The following ATP13A5 variants were observed in gnomAD, a reference collection of about 807,000 sequenced individuals.
ATP13A5 encodes probable cation-transporting ATPase 13A5.
In ATP13A5, 149 loss-of-function variants were observed where a neutral mutation model predicts 150.2. The ratio of observed to expected loss-of-function variants is 0.99; its 90% CI spans 0.87 to 1.14. ATP13A5 has a LOEUF of 1.14. Ranked by LOEUF, ATP13A5 falls within the 50% of genes most tolerant of loss-of-function variation. The pLI is 0.00. For synonymous variants in ATP13A5, 497 were observed against 522.2 expected (o/e 0.95, Z 0.66); for missense variants, 1,383 against 1,449.3 (o/e 0.95, Z 0.74).
At chr3:193,348,706 G>A (rs1237484282) in intron 7 of ATP13A5, among the ~76,000 whole-genome samples, 1 of 152,142 alleles carries the variant, frequency 6.6e-6, no homozygotes, top group Non-Finnish European at 1.5e-5. Context: ...GTTTACCTAA[G>A]TCTTTAATTC....
At chr3:193,359,991 T>C (rs1040167179) in intron 5 of ATP13A5, among the ~76,000 whole-genome samples, 1 of 152,230 alleles carries the variant, frequency 6.6e-6, no homozygotes, top group South Asian at 2.1e-4. Flanking sequence ...ATAATCTTAA[T>C]AGGAAGACTA....
At chr3:193,299,300 T>C in intron 24 of ATP13A5, 97 bp from the exon 25 acceptor site, 1 of 863,100 alleles carries the variant, frequency 1.2e-6, no homozygotes, top group Non-Finnish European at 1.8e-6. Context: ...GAGGCAGCTG[T>C]TACTTTTTTT....
chr3:193,362,390 T>C lies in ATP13A5; in HGVS notation c.527A>G (p.Gln176Arg), dbSNP rs770548323. The change falls in exon 5 of 30, where the codon CAA (glutamine) becomes CGA (arginine). Residue 176 changes from glutamine to arginine, a missense_variant. Coordinates refer to ENST00000342358, the MANE Select transcript of ATP13A5 (RefSeq NM_198505.4). ...TFGLGLTSEE[Q>R]EVRRLVCGPN... ...ATATAATAAGTCCTACCTGACCTCT[T>C]GCTCTTCACTGGTCAGACCCAATCC... is the stretch of plus-strand genomic sequence containing the variant. 6.2e-7 allele frequency: 1 copy of C among 1,614,054 alleles called. No homozygotes were observed. The highest frequency in any genetic ancestry group is 8.5e-7 in the Non-Finnish European group (1 of 1,179,926).
At chr3:193,293,044 A>C (rs570758135) in intron 25 of ATP13A5, among the ~76,000 whole-genome samples, 1 of 152,250 alleles carries the variant, frequency 6.6e-6, no homozygotes, top group Admixed American at 6.5e-5. Context: ...TAAATTTTAC[A>C]GGTGAAGAAA....
chr3:193,359,695 T>A (rs4438607), intron 5 of ATP13A5, among the ~76,000 whole-genome samples: 84,090 of 151,716 alleles, frequency 0.55, 23,651 homozygotes, highest in African/African-American at 0.65. Flanking sequence ...GGAATATTCC[T>A]ACCATAGAAA....
chr3:193,361,109 T>C (rs1362827220), intron 5 of ATP13A5, among the ~76,000 whole-genome samples: 1 of 152,260 alleles, frequency 6.6e-6, no homozygotes, highest in East Asian at 1.9e-4. Flanking sequence ...GCAGAGTGTG[T>C]CTACATCTAT....
At position 193,276,771 on chromosome 3, in the gene ATP13A5, G is replaced by A. The variant is rs771113074; in HGVS notation, c.3375C>T (p.Phe1125=). 5 of 1,612,262 alleles carry A rather than the reference G, an allele frequency of 3.1e-6. No homozygotes were observed. In the African/African-American group the frequency reaches 6.7e-5, roughly 22 times the overall value. Residue 1125 remains phenylalanine, a synonymous_variant, in exon 29 of 30, where the codon TTC becomes TTT. Coordinates refer to ENST00000342358, the MANE Select transcript of ATP13A5 (RefSeq NM_198505.4). ...TTACCTCTACAAAGAAAGCCACACA[G>A]AATTGGGTGAGGGCTACCACCAAAA... ...VLILVVALTQ[F]CVAFFVEDSI... is the part of the protein sequence containing the mutation.
At chr3:193,368,726 G>A (rs1713339395) in intron 1 of ATP13A5, among the ~76,000 whole-genome samples, 2 of 152,008 alleles carry the variant, frequency 1.3e-5, no homozygotes, top group South Asian at 2.1e-4. Context: ...GAATAGCACT[G>A]GAAAATAAAT....
intron 23 of ATP13A5, among the ~76,000 whole-genome samples, chr3:193,301,915 GT>G (rs1308216890): frequency 6.6e-6 from 1 of 152,152 alleles, no homozygotes; most frequent in Non-Finnish European, 1.5e-5. Flanking sequence ...CAAGACGACA[GT>G]AAAAAATGCA....
intron 23 of ATP13A5, among the ~76,000 whole-genome samples, chr3:193,302,502 C>T (rs1468791310): frequency 2.0e-5 from 3 of 152,092 alleles, no homozygotes; most frequent in Non-Finnish European, 4.4e-5. Context: ...AAGGAAAGTA[C>T]AAGAAACTAT....
At chr3:193,279,748 C>A (rs1442652289) in intron 27 of ATP13A5, among the ~76,000 whole-genome samples, 2 of 151,978 alleles carry the variant, frequency 1.3e-5, no homozygotes, top group African/African-American at 4.8e-5. Flanking sequence ...GTTGTGCTTG[C>A]GTGGGATAAA....
rs149053545 is a variant in ATP13A5, at chr3:193,297,859, G to A, written c.2848+1272C>T. On this transcript the variant is annotated intron_variant, in intron 25 of 29. Transcript: ENST00000342358. ...CTTGCTCAGTGTCATATAGTAAGTC[G>A]GAGGCAAGACTAGAACTAGGAAGAT... Among the ~76,000 whole-genome samples the A allele has an allele frequency of 6.3e-4, 96 of 152,186 alleles. 1 individual carries two copies. The highest frequency in any genetic ancestry group is 2.2e-3 in the African/African-American group (91 of 41,530).
At chr3:193,327,653 G>A (rs1719512616) in intron 12 of ATP13A5, among the ~76,000 whole-genome samples, 1 of 152,182 alleles carries the variant, frequency 6.6e-6, no homozygotes, top group African/African-American at 2.4e-5. Flanking sequence ...AAATAGTTCA[G>A]AGATTTGATT....
chr3:193,378,749 C>A lies in ATP13A5; in HGVS notation c.-24G>T, dbSNP rs202243235. 1.5e-4 allele frequency: 242 copies of A among 1,605,106 alleles called. No individual in the cohort carries two copies. Among genetic ancestry groups the A allele is most frequent in the Non-Finnish European group, 2.0e-4 (233 of 1,172,634 alleles). ...ATCTGAACTCAACCGGCGAGGATCT[C>A]TTCTGGCTAACTCCTTGGAGAAATG... On this transcript the variant is annotated 5_prime_UTR_variant, in exon 1 of 30. Transcript: ENST00000342358.
intron 24 of ATP13A5, among the ~76,000 whole-genome samples, chr3:193,300,782 A>G (rs1314929761): frequency 2.6e-5 from 4 of 152,188 alleles, no homozygotes; most frequent in Non-Finnish European, 2.9e-5. Flanking sequence ...ATAAGGGTCC[A>G]TTGTGAAAGG....
intron 1 of ATP13A5, among the ~76,000 whole-genome samples, chr3:193,373,173 C>T (rs1713512879): frequency 6.6e-6 from 1 of 152,142 alleles, no homozygotes; most frequent in Non-Finnish European, 1.5e-5. Context: ...GAGTCTCACT[C>T]CATTGCCCAG....
intron 9 of ATP13A5, among the ~76,000 whole-genome samples, chr3:193,343,538 T>C (rs1350515408): frequency 6.6e-6 from 1 of 152,168 alleles, no homozygotes; most frequent in African/African-American, 2.4e-5. Flanking sequence ...GGCCTTCCAA[T>C]TGTGGGAGTC....
chr3:193,312,296 A>T (rs1330898806), intron 19 of ATP13A5, among the ~76,000 whole-genome samples: 5 of 152,130 alleles, frequency 3.3e-5, no homozygotes. Context: ...ATGCAACCTT[A>T]TATTTTCTAA....
intron 24 of ATP13A5, 108 bp from the exon 25 acceptor site, chr3:193,299,311 T>TC (rs1292810878): frequency 7.8e-6 from 6 of 771,530 alleles, no homozygotes; most frequent in Non-Finnish European, 1.0e-5. Flanking sequence ...TACTTTTTTT[T>TC]CCCTCTTCAG....
Sources: gnomAD v4.1 joint callset for allele counts (sites outside exome capture counted in the v4.1 genomes callset) on GRCh38, gnomAD v4.1.1 for gene constraint, MANE v1.5 for transcripts, NCBI Gene and HGNC (gene_info 2026-07-23, HGNC 2026-07-21) for gene names.